The following CACNA1D variants were observed in gnomAD, a reference collection of about 807,000 sequenced individuals.
CACNA1D encodes calcium voltage-gated channel subunit alpha1 D.
Under a neutral mutation model 257.1 loss-of-function variants are expected in CACNA1D, and 55 were observed. That is an observed-to-expected ratio of 0.21 (90% confidence interval 0.17 to 0.27). The LOEUF (loss-of-function observed/expected upper bound fraction) is 0.27, where lower values mean the gene tolerates loss of function less well. CACNA1D is among the 10% of genes least tolerant of loss of function. The pLI is 1.00. For missense variants in CACNA1D, 1,876 were observed against 2,784.0 expected, an observed-to-expected ratio of 0.67 and a Z score of 7.34; for synonymous variants, 980 against 1,014.9, an observed-to-expected ratio of 0.97 and a Z score of 0.65.
intron 3 of CACNA1D, among the ~76,000 whole-genome samples, chr3:53,633,137 A>G (rs958879008): frequency 2.0e-5 from 3 of 152,238 alleles, no homozygotes; most frequent in Admixed American, 1.3e-4. Context: ...TGTGCATACT[A>G]TGTGCTGACC....
At chr3:53,643,306 C>G (rs1426977317) in intron 3 of CACNA1D, among the ~76,000 whole-genome samples, 2 of 152,048 alleles carry the variant, frequency 1.3e-5, no homozygotes, top group Non-Finnish European at 2.9e-5. Flanking sequence ...CATCTCTGAG[C>G]CGACGCCTGC....
chr3:53,635,035 T>C (rs1403227729), intron 3 of CACNA1D, among the ~76,000 whole-genome samples: 2 of 152,192 alleles, frequency 1.3e-5, no homozygotes, highest in Non-Finnish European at 2.9e-5. Flanking sequence ...AATTACAGCC[T>C]CGGGCTCTGT....
In CACNA1D at chr3:53,660,151, G is replaced by T; in HGVS notation, c.642G>T (p.Leu214Phe). 6.2e-7 allele frequency: 1 copy of T among 1,613,788 alleles called. No homozygotes were observed. Among genetic ancestry groups the T allele is most frequent in the Non-Finnish European group, 8.5e-7 (1 of 1,179,786 alleles). ...CTTTCAGATTGTTTAGTGTAATTTT[G>T]GAACAATTAACCAAAGAAACAGAAG... ...IVIVGLFSVI[L>F]EQLTKETEGG... Residue 214 changes from leucine to phenylalanine, a missense_variant, in exon 5 of 48, where the codon TTG becomes TTT. Around this residue, in one of 10 missense-constraint regions of CACNA1D, gnomAD observed 188 missense variants for 390.4 expected, o/e 0.48. Transcript: ENST00000350061.
At chr3:53,781,785 G>A (rs1177929651) in intron 39 of CACNA1D, 118 bp downstream of exon 39, 1 of 766,566 alleles carries the variant, frequency 1.3e-6, no homozygotes, top group Non-Finnish European at 2.4e-6. Flanking sequence ...AGAGCATTAA[G>A]GCCAACTGAT....
intron 19 of CACNA1D, 75 bp from the exon 20 acceptor site, chr3:53,735,299 G>A: frequency 2.2e-6 from 3 of 1,390,644 alleles, no homozygotes; most frequent in East Asian, 2.3e-5. Context: ...TTGCTGCAGT[G>A]GCCCCACACT....
Position 53,732,064 on chromosome 3 carries a change from C to T in CACNA1D, c.2455C>T (p.Pro819Ser). ...AGAGGATGAAGACAAGGACCCCTAT[C>T]CGCCTTGCGATGTGCCAGGTATGGT... ...REEDEDKDPY[P>S]PCDVPVGEEE... is the part of the protein sequence containing the mutation. The change falls in exon 18 of 48, where the codon CCG becomes TCG. Residue 819 changes from proline to serine, a missense_variant. Around this residue, in one of 10 missense-constraint regions of CACNA1D, gnomAD observed 78 missense variants for 69.2 expected, o/e 1.13. Coordinates refer to ENST00000350061, the MANE Select transcript of CACNA1D (RefSeq NM_001128840.3). 1.9e-6 allele frequency: 3 copies of T among 1,612,852 alleles called. No homozygotes were observed. The highest frequency in any genetic ancestry group is 2.5e-6 in the Non-Finnish European group (3 of 1,178,744).
intron 9 of CACNA1D, among the ~76,000 whole-genome samples, chr3:53,707,395 C>G (rs1246782138): frequency 6.6e-6 from 1 of 152,170 alleles, no homozygotes; most frequent in Non-Finnish European, 1.5e-5. Flanking sequence ...GAATATCACA[C>G]TGTTCCAGGC....
At chr3:53,683,712 G>A (rs2094451682) in intron 8 of CACNA1D, among the ~76,000 whole-genome samples, 1 of 100,672 alleles carries the variant, frequency 9.9e-6, no homozygotes, top group South Asian at 5.5e-4. Flanking sequence ...GTAAATCTCA[G>A]TAGGTAAATA....
intron 3 of CACNA1D, among the ~76,000 whole-genome samples, chr3:53,574,998 C>T (rs1212757770): frequency 6.6e-6 from 1 of 152,200 alleles, no homozygotes; most frequent in Non-Finnish European, 1.5e-5. Flanking sequence ...GAGACAGGGG[C>T]GCAGGCCAGG....
chr3:53,712,083 C>T (rs1480888982), intron 9 of CACNA1D, among the ~76,000 whole-genome samples: 1 of 152,152 alleles, frequency 6.6e-6, no homozygotes, highest in African/African-American at 2.4e-5. Flanking sequence ...GGAGAGGTTA[C>T]CAAAAGGAGA....
At chr3:53,680,854 A>G (rs1374774926) in intron 8 of CACNA1D, among the ~76,000 whole-genome samples, 2 of 152,216 alleles carry the variant, frequency 1.3e-5, no homozygotes, top group African/African-American at 4.8e-5. Context: ...CTTTTACAGG[A>G]TGGTAAAATT....
chr3:53,657,534 T>C (rs1253686259), intron 4 of CACNA1D, among the ~76,000 whole-genome samples: 3 of 152,128 alleles, frequency 2.0e-5, no homozygotes, highest in Non-Finnish European at 4.4e-5. Flanking sequence ...TGTTTTATTA[T>C]AGATAAATTA....
intron 3 of CACNA1D, among the ~76,000 whole-genome samples, chr3:53,571,970 G>A (rs188383114): frequency 1.9e-3 from 289 of 152,290 alleles, no homozygotes; most frequent in Non-Finnish European, 3.1e-3. Context: ...CTCTGGAAGT[G>A]CCTTAGACAT....
intron 3 of CACNA1D, among the ~76,000 whole-genome samples, chr3:53,639,641 C>T (rs1400506157): frequency 2.6e-5 from 4 of 152,156 alleles, no homozygotes; most frequent in Non-Finnish European, 5.9e-5. Flanking sequence ...CCACCTCAGC[C>T]TCCCAAAGTG....
intron 7 of CACNA1D, among the ~76,000 whole-genome samples, chr3:53,669,941 A>G (rs2094306476): frequency 6.6e-6 from 1 of 152,190 alleles, no homozygotes; most frequent in Non-Finnish European, 1.5e-5. Context: ...ACATGATTTA[A>G]TTTTTCCCTT....
intron 3 of CACNA1D, among the ~76,000 whole-genome samples, chr3:53,572,335 T>A (rs1184935993): frequency 6.6e-6 from 1 of 152,046 alleles, no homozygotes; most frequent in Non-Finnish European, 1.5e-5. Flanking sequence ...AATCATCAAC[T>A]TTTTTGGCCC....
At chr3:53,805,364 C>T in intron 45 of CACNA1D, 1 of 593,778 alleles carries the variant, frequency 1.7e-6, no homozygotes, top group East Asian at 2.8e-5. Flanking sequence ...ATGCTTGACT[C>T]TCTTTGAGAA....
chr3:53,737,192 C>G (rs1198801417), intron 20 of CACNA1D, among the ~76,000 whole-genome samples: 5 of 151,268 alleles, frequency 3.3e-5, no homozygotes, highest in African/African-American at 1.2e-4. Context: ...CCCGACTACT[C>G]GGGAGGCTGA....
chr3:53,738,184 G>A (rs1175493618), intron 20 of CACNA1D, among the ~76,000 whole-genome samples: 2 of 152,186 alleles, frequency 1.3e-5, no homozygotes, highest in African/African-American at 4.8e-5. Flanking sequence ...GAGATTTTAG[G>A]GTTAAGACAC....
Sources: gnomAD v4.1 joint callset for allele counts (sites outside exome capture counted in the v4.1 genomes callset) on GRCh38, gnomAD v4.1.1 for gene constraint, gnomAD v4.1.1 regional missense constraint, MANE v1.5 for transcripts, NCBI Gene and HGNC (gene_info 2026-07-23, HGNC 2026-07-21) for gene names.